MTUS2: variants seen among roughly 807,000 people sequenced by gnomAD.
The protein encoded by MTUS2 is microtubule-associated tumor suppressor candidate 2.
A neutral mutation model predicts 114.1 loss-of-function variants in MTUS2; 40 were observed. The ratio of observed to expected loss-of-function variants is 0.35; its 90% CI spans 0.27 to 0.46. MTUS2 has a LOEUF of 0.46. Among genes scored for constraint, MTUS2 ranks in the 20% least tolerant of loss-of-function variants. The pLI is 1.00. For synonymous variants in MTUS2, 688 were observed against 672.0 expected, an observed-to-expected ratio of 1.02 and a Z score of -0.37; for missense variants, 1,679 against 1,705.4, an observed-to-expected ratio of 0.98 and a Z score of 0.27.
intron 1 of MTUS2, among the ~76,000 whole-genome samples, chr13:28,831,885 T>C (rs1038947539): frequency 2.1e-4 from 32 of 152,054 alleles, no homozygotes; most frequent in Non-Finnish European, 2.6e-4. Flanking sequence ...GCCTCCCAAG[T>C]AGCTGAGACT....
intron 7 of MTUS2, among the ~76,000 whole-genome samples, chr13:29,341,988 TATTCTGTTCC>T (rs1901423866): frequency 6.6e-6 from 1 of 152,206 alleles, no homozygotes; most frequent in African/African-American, 2.4e-5. Context: ...CTCGGTTCTA[TATTCTGTTCC>T]ATTGGTCTAT....
intron 2 of MTUS2, among the ~76,000 whole-genome samples, chr13:28,841,721 C>T (rs1196271565): frequency 2.6e-5 from 4 of 151,486 alleles, no homozygotes; most frequent in Non-Finnish European, 5.9e-5. Flanking sequence ...GAGTCTCACT[C>T]TGTCGCCCAG....
At chr13:28,942,369 C>T (rs1332101343) in intron 2 of MTUS2, among the ~76,000 whole-genome samples, 2 of 152,150 alleles carry the variant, frequency 1.3e-5, no homozygotes, top group African/African-American at 4.8e-5. Context: ...ATAACTCATA[C>T]TCTATTGATG....
chr13:28,910,922 C>G (rs116026272), intron 2 of MTUS2, among the ~76,000 whole-genome samples: 17,724 of 117,842 alleles, frequency 0.15, 1,341 homozygotes, highest in African/African-American at 0.23. Context: ...GTTGTGCAGA[C>G]TGGAGTACAG....
At chr13:29,210,641 C>G (rs1415912041) in intron 5 of MTUS2, among the ~76,000 whole-genome samples, 3 of 152,186 alleles carry the variant, frequency 2.0e-5, no homozygotes, top group Non-Finnish European at 2.9e-5. Context: ...GGTGTTCTCC[C>G]TTCCCCTAGG....
chr13:29,423,916 A>G (rs4769738), intron 8 of MTUS2, among the ~76,000 whole-genome samples: 119,250 of 151,294 alleles, frequency 0.79, 47,429 homozygotes, highest in Middle Eastern at 0.85. Flanking sequence ...CCAGGCTACA[A>G]TGCAGTGACA....
At chr13:29,389,297 GTA>G (rs1479443339) in intron 8 of MTUS2, among the ~76,000 whole-genome samples, 21 of 142,852 alleles carry the variant, frequency 1.5e-4, no homozygotes, top group South Asian at 4.4e-4. Context: ...ACATATGTGT[GTA>G]TATGTGTATA....
In MTUS2 at chr13:29,480,345, G is replaced by C. The variant is rs763654729; in HGVS notation, c.3380G>C (p.Arg1127Pro). ...CACGGTGACCAGCTGCTGAGCATCC[G>C]GTGTCAACACCAGGAGCAGGTCAGT... ...EEHGDQLLSI[R>P]CQHQEQVEDL... is the part of the protein sequence containing the mutation. The change falls in exon 10 of 16, where the codon CGG becomes CCG. Residue 1127 changes from arginine (R) to proline (P), a missense_variant. Transcript: ENST00000612955. The surrounding 1 kb of genome is among the most constrained non-coding windows in gnomAD (Gnocchi z 4.4). 6.5e-7 allele frequency: 1 copy of C among 1,540,518 alleles called. No homozygotes were observed. Among genetic ancestry groups the C allele is most frequent in the South Asian group, 1.2e-5 (1 of 81,530 alleles).
At chr13:29,347,235 C>T (rs563532642) in intron 7 of MTUS2, among the ~76,000 whole-genome samples, 4 of 152,312 alleles carry the variant, frequency 2.6e-5, no homozygotes, top group Non-Finnish European at 5.9e-5. Context: ...TCTGCTTATA[C>T]TGGGTTTGAT....
At chr13:29,122,547 T>G (rs1891354478) in intron 5 of MTUS2, among the ~76,000 whole-genome samples, 1 of 152,148 alleles carries the variant, frequency 6.6e-6, no homozygotes, top group Non-Finnish European at 1.5e-5. Flanking sequence ...TACCTCTCAC[T>G]GGGGCCCTCC....
chr13:29,423,863 ATTT>A (rs374587144), intron 8 of MTUS2, among the ~76,000 whole-genome samples: 1 of 142,706 alleles, frequency 7.0e-6, no homozygotes, highest in Non-Finnish European at 1.5e-5. Flanking sequence ...GTTAACAGTA[ATTT>A]TTTTTTTTTT....
chr13:29,446,408 G>A (rs1878284605), intron 9 of MTUS2, among the ~76,000 whole-genome samples: 1 of 152,130 alleles, frequency 6.6e-6, no homozygotes, highest in Non-Finnish European at 1.5e-5. Flanking sequence ...TGGGACATGT[G>A]CAAAAAGCAC....
At chr13:28,947,337 G>T (rs1490739646) in intron 2 of MTUS2, among the ~76,000 whole-genome samples, 5 of 152,142 alleles carry the variant, frequency 3.3e-5, no homozygotes, top group Non-Finnish European at 5.9e-5. Context: ...AAGATTAGGG[G>T]CTGGACCATT....
Position 29,103,038 on chromosome 13 carries a change from T to C in MTUS2, c.2644+2068T>C, listed in dbSNP as rs375301028. Among the ~76,000 whole-genome samples the C allele has an allele frequency of 7.0e-4, 106 of 152,332 alleles. 1 individual carries two copies. The South Asian group carries it at 0.014, about 21-fold the overall frequency. ...GTTCAGCTCATGGAAACAGCCAATG[T>C]GGTATCAGAATCGGTCCTTTTTTCT... On this transcript the variant is annotated intron_variant, in intron 5 of 15. Coordinates refer to ENST00000612955, the MANE Select transcript of MTUS2 (RefSeq NM_001033602.4).
intron 9 of MTUS2, among the ~76,000 whole-genome samples, chr13:29,446,757 C>T (rs570701996): frequency 6.6e-6 from 1 of 152,204 alleles, no homozygotes; most frequent in Admixed American, 6.5e-5. Flanking sequence ...CTTAGTGTTG[C>T]TAGGGTTGCC....
At chr13:28,912,732 C>T (rs575414632) in intron 2 of MTUS2, among the ~76,000 whole-genome samples, 4 of 152,074 alleles carry the variant, frequency 2.6e-5, no homozygotes, top group African/African-American at 7.2e-5. Flanking sequence ...CCTTTACTTC[C>T]CTTGTTAGCT....
chr13:29,503,042 A>G lies in MTUS2; in HGVS notation c.3946A>G (p.Thr1316Ala). Residue 1316 changes from threonine (T) to alanine (A), a missense_variant, in exon 16 of 16, where the codon ACC becomes GCC. Thr to Ala is a moderately conservative substitution (Grantham distance 58). Coordinates refer to ENST00000612955, the MANE Select transcript of MTUS2 (RefSeq NM_001033602.4). The stretch of plus-strand genomic sequence containing the variant: ...CCTCCAGGAATATGTTGAGAAGGAA[A>G]CCCAGGAGAAGAAGAGATTGAGCCG... The part of the protein sequence containing the change: ...ANLQEYVEKE[T>A]QEKKRLSRTN... 6.2e-7 allele frequency: 1 copy of G among 1,614,212 alleles called. No individual in the cohort carries two copies. Among genetic ancestry groups the G allele is most frequent in the South Asian group, 1.1e-5 (1 of 91,080 alleles).
chr13:29,490,742 C>A (rs971233237), intron 11 of MTUS2, among the ~76,000 whole-genome samples: 1 of 152,264 alleles, frequency 6.6e-6, no homozygotes, highest in Admixed American at 6.5e-5. Context: ...GTAGACACAG[C>A]ACTGAGCCTG....
chr13:28,911,657 G>A (rs1009305452), intron 2 of MTUS2, among the ~76,000 whole-genome samples: 9 of 151,876 alleles, frequency 5.9e-5, no homozygotes, highest in Admixed American at 2.6e-4. Context: ...CACAACCTCA[G>A]CAGCATCTGT....
Sources: allele counts gnomAD v4.1 joint callset (sites outside exome capture counted in the v4.1 genomes callset), GRCh38; gene constraint gnomAD v4.1.1; non-coding constraint Gnocchi (gnomAD v3.1); transcripts MANE v1.5; gene names NCBI Gene and HGNC (gene_info 2026-07-23, HGNC 2026-07-21).